The following TACC2 variants were observed in gnomAD, a reference collection of about 807,000 sequenced individuals.
TACC2 encodes the protein transforming acidic coiled-coil-containing protein 2.
In TACC2, 137 loss-of-function variants were observed where a neutral mutation model predicts 227.3. That is an observed-to-expected ratio of 0.60 (90% confidence interval 0.52 to 0.69). The LOEUF is 0.69. TACC2 is among the 30% of genes least tolerant of loss of function. The pLI is 0.00. For synonymous variants in TACC2, 1,523 were observed against 1,487.5 expected (o/e 1.02, Z -0.55); for missense variants, 3,470 against 3,694.4 (o/e 0.94, Z 1.57).
chr10:121,994,623 G>A (rs1241422780), intron 1 of TACC2: 1 of 152,376 alleles, frequency 6.6e-6, no homozygotes, highest in Non-Finnish European at 1.5e-5. Flanking sequence ...CAGACTGCGG[G>A]TGGAGGGCAG....
At chr10:122,249,210 C>A (rs556613103) in intron 21 of TACC2, 54 bp downstream of exon 21, 372 of 1,380,032 alleles carry the variant, frequency 2.7e-4, no homozygotes, top group Non-Finnish European at 3.5e-4. Context: ...AGCCCTTTTA[C>A]CCAGGCAGGC....
In TACC2 at chr10:122,050,317, G is replaced by A. The variant is rs571454406; in HGVS notation, c.34-121G>A. On this transcript the variant is annotated intron_variant, in intron 2 of 22. Transcript: ENST00000369005. This position sits in a 1 kb window ranked among gnomAD's most constrained non-coding sequence, Gnocchi z 4.6. ...GCACATAGTAGGTGTTTCGTTGGAC[G>A]GCAGAGCAAGTGAACAACCTTACCT... 3.0e-5 allele frequency: 22 copies of A among 735,746 alleles called. No individual in the cohort carries two copies. The highest frequency in any genetic ancestry group is 2.1e-4 in the South Asian group (12 of 56,446). The allele number at this position is 735,746 out of a possible 1,614,324, so 45.6% of individuals were successfully genotyped here.
intron 6 of TACC2, among the ~76,000 whole-genome samples, chr10:122,133,711 G>T (rs1458115930): frequency 2.0e-5 from 3 of 152,116 alleles, no homozygotes; most frequent in African/African-American, 7.2e-5. Context: ...TTCTCCCCAC[G>T]CTGAGAGAAG....
chr10:122,105,241 G>A (rs1411339999), intron 5 of TACC2, among the ~76,000 whole-genome samples: 8 of 131,346 alleles, frequency 6.1e-5, no homozygotes, highest in African/African-American at 2.2e-4. Flanking sequence ...AGTATGCTCT[G>A]TGTCTGGGGA....
chr10:122,197,327 A>G (rs2094605386), intron 8 of TACC2, among the ~76,000 whole-genome samples: 2 of 152,258 alleles, frequency 1.3e-5, no homozygotes, highest in South Asian at 4.1e-4. Flanking sequence ...TACCATCCCC[A>G]GCACCAAGGA....
At chr10:122,104,080 G>C (rs1483202780) in intron 5 of TACC2, among the ~76,000 whole-genome samples, 3 of 152,166 alleles carry the variant, frequency 2.0e-5, no homozygotes, top group Non-Finnish European at 4.4e-5. Context: ...TGTTTCTGCA[G>C]CTCCTAGAAG....
In TACC2 at chr10:122,061,017, AAAGGGGG is replaced by A. The variant is rs1565185515; in HGVS notation, c.146+10468_146+10474del. ...CTCCATCTCAAAAAAAAAAAAAAAA[AAAGGGGG>A]GGGGGCCAGGCACGGTGGCTCACAC... On this transcript the variant is annotated intron_variant, in intron 3 of 22. Transcript: ENST00000369005. Among the ~76,000 whole-genome samples the A allele has an allele frequency of 2.9e-4, 6 of 20,446 alleles. 1 individual carries two copies. The highest frequency in any genetic ancestry group is 8.2e-4 in the Admixed American group (1 of 1,224). The allele number at this position is 20,446 out of a possible 152,430, so 13.4% of individuals were successfully genotyped here.
intron 5 of TACC2, among the ~76,000 whole-genome samples, chr10:122,098,542 C>T (rs1212538785): frequency 6.6e-6 from 1 of 152,080 alleles, no homozygotes; most frequent in Non-Finnish European, 1.5e-5. Flanking sequence ...CCTTAGCCAC[C>T]CTAAGTTTCT....
intron 1 of TACC2, among the ~76,000 whole-genome samples, chr10:122,021,605 G>A (rs371594574): frequency 6.6e-6 from 1 of 152,030 alleles, no homozygotes; most frequent in Non-Finnish European, 1.5e-5. Context: ...CATTCCTCAG[G>A]CCCTTTGGCA....
chr10:122,009,693 C>T (rs377761545), intron 1 of TACC2, among the ~76,000 whole-genome samples: 148 of 152,174 alleles, frequency 9.7e-4, no homozygotes, highest in African/African-American at 3.2e-3. Context: ...TTTGGGAGGC[C>T]GAAGCAGGTG....
intron 5 of TACC2, among the ~76,000 whole-genome samples, chr10:122,130,972 C>T (rs1468341015): frequency 6.6e-6 from 1 of 152,084 alleles, no homozygotes; most frequent in Non-Finnish European, 1.5e-5. Flanking sequence ...TCTGCACCTT[C>T]CTTCTTAGCA....
At chr10:122,069,765 T>C (rs879344748) in intron 3 of TACC2, among the ~76,000 whole-genome samples, 4 of 152,160 alleles carry the variant, frequency 2.6e-5, no homozygotes, top group Non-Finnish European at 4.4e-5. Context: ...TTGGAAGAGG[T>C]GGGGAGACCC....
intron 7 of TACC2, among the ~76,000 whole-genome samples, chr10:122,173,664 G>C (rs1020726669): frequency 6.6e-6 from 1 of 152,242 alleles, no homozygotes; most frequent in African/African-American, 2.4e-5. Context: ...GTGGGGAAGA[G>C]CACCAGGCAA....
Position 122,162,294 on chromosome 10 carries a change from C to G in TACC2, c.5834+18588C>G, listed in dbSNP as rs2092867073. Among the ~76,000 whole-genome samples the G allele has an allele frequency of 2.0e-5, 3 of 152,198 alleles. No individual in the cohort carries two copies. The South Asian group carries it at 6.2e-4, about 32-fold the overall frequency. On this transcript the variant is annotated intron_variant, in intron 7 of 22. Transcript: ENST00000369005. The stretch of plus-strand genomic sequence containing the variant: ...CCTCGAGTGTCAGTATCAAAAGAGC[C>G]CATCCAAACATCCTTGGCCACGTCG...
intron 2 of TACC2, among the ~76,000 whole-genome samples, chr10:122,034,580 C>A (rs1187485636): frequency 2.0e-5 from 3 of 152,166 alleles, no homozygotes; most frequent in Non-Finnish European, 4.4e-5. Context: ...TGCACCCTGA[C>A]CTTCCATCAG....
rs768092599 is a variant in TACC2, at chr10:122,086,135, C to G, written c.3635C>G (p.Thr1212Arg). The change falls in exon 4 of 23, where the codon ACA becomes AGA. Residue 1212 changes from threonine (T) to arginine (R), a missense_variant. Around this residue, in one of 10 missense-constraint regions of TACC2, gnomAD observed 1,924 missense variants for 1,978.3 expected, o/e 0.97. Transcript: ENST00000369005. ...CCCAGGAGCACCATGGATTTTTCTACACACCAGGCTGTCCCAGACCCAAAG... is the reference window on the plus strand; with the variant it reads ...CCCAGGAGCACCATGGATTTTTCTAGACACCAGGCTGTCCCAGACCCAAAG... ...GIPRSTMDFS[T>R]HQAVPDPKEL... 4.3e-6 allele frequency: 7 copies of G among 1,613,440 alleles called. No homozygotes were observed. Among genetic ancestry groups the G allele is most frequent in the Non-Finnish European group, 5.9e-6 (7 of 1,179,990 alleles).
chr10:122,167,040 T>G (rs1410926984), intron 7 of TACC2, among the ~76,000 whole-genome samples: 1 of 152,228 alleles, frequency 6.6e-6, no homozygotes, highest in Non-Finnish European at 1.5e-5. Flanking sequence ...TACTTTGTCC[T>G]TTATGTAGTT....
intron 8 of TACC2, among the ~76,000 whole-genome samples, chr10:122,206,428 G>T (rs2095110168): frequency 6.6e-6 from 1 of 152,186 alleles, no homozygotes; most frequent in African/African-American, 2.4e-5. Flanking sequence ...GGTTGAATGG[G>T]TTCATACGGG....
intron 8 of TACC2, among the ~76,000 whole-genome samples, chr10:122,198,608 T>C (rs1202316207): frequency 6.6e-6 from 1 of 152,138 alleles, no homozygotes; most frequent in Non-Finnish European, 1.5e-5. Flanking sequence ...ATAGTGGATG[T>C]CTTCCCCTGA....
Sources: gnomAD v4.1 joint callset for allele counts (sites outside exome capture counted in the v4.1 genomes callset) on GRCh38, gnomAD v4.1.1 for gene constraint, gnomAD v4.1.1 regional missense constraint, Gnocchi (gnomAD v3.1) non-coding constraint, MANE v1.5 for transcripts, NCBI Gene and HGNC (gene_info 2026-07-23, HGNC 2026-07-21) for gene names.